SMAP2: variants seen among roughly 807,000 people sequenced by gnomAD.
The protein encoded by SMAP2 is stromal membrane-associated protein 2.
In SMAP2, 25 loss-of-function variants were observed where a neutral mutation model predicts 56.4. The ratio of observed to expected loss-of-function variants is 0.44; its 90% CI spans 0.32 to 0.62. SMAP2 has a LOEUF of 0.62. SMAP2 is among the 20% of genes least tolerant of loss of function. The probability of loss-of-function intolerance (pLI) is 0.04; values close to 1 mark genes in which losing one functional copy is unlikely to be tolerated. For synonymous variants in SMAP2, 157 were observed against 181.7 expected (o/e 0.86, Z 1.09); for missense variants, 388 against 545.6 (o/e 0.71, Z 2.88).
At chr1:40,391,194 GA>G (rs1468278462) in intron 1 of SMAP2, among the ~76,000 whole-genome samples, 1 of 152,320 alleles carries the variant, frequency 6.6e-6, no homozygotes, top group East Asian at 1.9e-4. Context: ...CATTGGTCTA[GA>G]GGAACAAAGA....
chr1:40,383,557 T>C (rs919950326), intron 1 of SMAP2, among the ~76,000 whole-genome samples: 9 of 152,204 alleles, frequency 5.9e-5, no homozygotes, highest in African/African-American at 1.9e-4. Flanking sequence ...AGATATAACA[T>C]TGCGTGCTTC....
At chr1:40,407,482 C>A (rs1181294371) in intron 2 of SMAP2, among the ~76,000 whole-genome samples, 1 of 151,542 alleles carries the variant, frequency 6.6e-6, no homozygotes, top group African/African-American at 2.4e-5. Flanking sequence ...AGAGTGAGAC[C>A]CTGTCTCAAA....
chr1:40,386,258 A>G lies in SMAP2; in HGVS notation c.103+12035A>G, dbSNP rs1644653509. 6.6e-6 allele frequency among the ~76,000 whole-genome samples: 1 copy of G among 152,342 alleles called. No individual in the cohort carries two copies. Among genetic ancestry groups the G allele is most frequent in the East Asian group, 1.9e-4 (1 of 5,192 alleles). ...ATTAAGAGATTCAGGCTCTTCTGCT[A>G]TGTTGAAATCATTTTTACTGAAAGA... is the stretch of plus-strand genomic sequence containing the variant. On this transcript the variant is annotated intron_variant, in intron 1 of 9. Coordinates refer to ENST00000372718, the MANE Select transcript of SMAP2 (RefSeq NM_022733.3). The surrounding 1 kb of genome is among the most constrained non-coding windows in gnomAD (Gnocchi z 4.1).
intron 9 of SMAP2, among the ~76,000 whole-genome samples, chr1:40,420,082 C>T (rs114621374): frequency 0.019 from 2,873 of 152,140 alleles, 26 homozygotes; most frequent in African/African-American, 0.026. Context: ...TTTTCCATTT[C>T]GCCAAGGTTT....
rs1392246180 is a variant in SMAP2, at chr1:40,416,980, G to A, written c.1048G>A (p.Val350Met). ...TGGCATGCAGGCATCAATGATGGGT[G>A]TGCCGAATGGAATGATGACCACCCA... ...MGGMQASMMG[V>M]PNGMMTTQQA... The change falls in exon 9 of 10, where the codon GTG becomes ATG. Residue 350 changes from valine (V) to methionine (M), a missense_variant. Coordinates refer to ENST00000372718, the MANE Select transcript of SMAP2 (RefSeq NM_022733.3). The A allele has an allele frequency of 6.2e-7, 1 of 1,614,226 alleles. No individual in the cohort carries two copies. The highest frequency in any genetic ancestry group is 1.3e-5 in the African/African-American group (1 of 75,070).
rs754300080 is a variant in SMAP2 at position 40,374,134 on chromosome 1, C to T, written c.14C>T (p.Ser5Leu). 5.6e-6 allele frequency: 9 copies of T among 1,613,034 alleles called. No homozygotes were observed. Among genetic ancestry groups the T allele is most frequent in the Non-Finnish European group, 5.9e-6 (7 of 1,179,538 alleles). MTGK[S>L]VKDVDRYQAV... ...GGCACCCTGGCCATGACAGGCAAGT[C>T]GGTGAAGGACGTGGATCGGTACCAG... Residue 5 changes from serine (S) to leucine (L), a missense_variant, in exon 1 of 10, where the codon TCG becomes TTG. Physicochemically the swap from Ser to Leu is moderately radical, Grantham distance 145. Coordinates refer to ENST00000372718, the MANE Select transcript of SMAP2 (RefSeq NM_022733.3). This position sits in a 1 kb window ranked among gnomAD's most constrained non-coding sequence, Gnocchi z 5.9.
chr1:40,347,223 TGTG>T (rs1644390079), intron 1 of SMAP2, among the ~76,000 whole-genome samples: 1 of 137,966 alleles, frequency 7.2e-6, no homozygotes, highest in African/African-American at 3.0e-5. Flanking sequence ...TGTGTGTGTG[TGTG>T]TTTGTGTGTG....
chr1:40,352,609 G>T (rs1403900292), intron 1 of SMAP2, among the ~76,000 whole-genome samples: 1 of 151,860 alleles, frequency 6.6e-6, no homozygotes. Flanking sequence ...CATGATCATA[G>T]CTCACTGCAA....
intron 1 of SMAP2, among the ~76,000 whole-genome samples, chr1:40,387,929 CG>C (rs1174752200): frequency 6.6e-6 from 1 of 151,996 alleles, no homozygotes; most frequent in African/African-American, 2.4e-5. Context: ...ATGGGCTTGG[CG>C]GGCCCCGCAC....
intron 1 of SMAP2, among the ~76,000 whole-genome samples, chr1:40,351,006 C>G (rs1644407132): frequency 6.6e-6 from 1 of 152,186 alleles, no homozygotes. Flanking sequence ...AGGAGCAGAT[C>G]CAAACAATCT....
intron 2 of SMAP2, among the ~76,000 whole-genome samples, chr1:40,368,160 T>C (rs1221634125): frequency 7.1e-6 from 1 of 140,954 alleles, no homozygotes; most frequent in Non-Finnish European, 1.5e-5. Flanking sequence ...CAGGAAGAAG[T>C]TGAATCTCTT....
At position 40,386,051 on chromosome 1, in the gene SMAP2, G is replaced by A. The variant is rs1054441143; in HGVS notation, c.103+11828G>A. On this transcript the variant is annotated intron_variant, in intron 1 of 9. Transcript: ENST00000372718. This position sits in a 1 kb window ranked among gnomAD's most constrained non-coding sequence, Gnocchi z 4.1. The stretch of plus-strand genomic sequence containing the variant: ...TAGTGTAAAGCTTGTAGAGAAGGGG[G>A]CATTGGTGTCTTTTTGTTGTTGTTG... Among the ~76,000 whole-genome samples the A allele has an allele frequency of 1.3e-5, 2 of 152,150 alleles. No individual in the cohort carries two copies. The highest frequency in any genetic ancestry group is 2.1e-4 in the South Asian group (1 of 4,836).
chr1:40,422,161 C>A lies in SMAP2; in HGVS notation c.*60C>A. On this transcript the variant is annotated 3_prime_UTR_variant, in exon 10 of 10. Coordinates refer to ENST00000372718, the MANE Select transcript of SMAP2 (RefSeq NM_022733.3). ...GCCCTCGCTCTCCCCTTTCCACAGC[C>A]TCCACCCCTGACCCCCATCCTCTTT... 1 of 1,599,422 alleles carries A rather than the reference C, an allele frequency of 6.3e-7. No individual in the cohort carries two copies. The highest frequency in any genetic ancestry group is 8.5e-7 in the Non-Finnish European group (1 of 1,173,424).
rs552599516 is a variant in SMAP2 at position 40,416,754 on chromosome 1, A to G, written c.848-26A>G. ...ACTTTATGTTTTTCCCTCTTTAACC[A>G]ACCTGTATGTGTGTTTTCTTGGCAG... is the stretch of plus-strand genomic sequence containing the variant. On this transcript the variant is annotated intron_variant, in intron 8 of 9. Coordinates refer to ENST00000372718, the MANE Select transcript of SMAP2 (RefSeq NM_022733.3). 2.7e-5 allele frequency: 43 copies of G among 1,577,818 alleles called. 1 individual carries two copies. Among genetic ancestry groups the G allele is most frequent in the Admixed American group, 1.6e-4 (9 of 57,728 alleles).
chr1:40,365,201 A>G (rs1345348257), intron 2 of SMAP2: 2 of 153,818 alleles, frequency 1.3e-5, no homozygotes, highest in South Asian at 2.0e-4. Flanking sequence ...TTCTAGGCTC[A>G]TGCCTGTAAC....
intron 4 of SMAP2, among the ~76,000 whole-genome samples, chr1:40,411,777 A>G (rs1347606641): frequency 1.3e-5 from 2 of 152,210 alleles, no homozygotes; most frequent in South Asian, 2.1e-4. Flanking sequence ...CGTGTTAAAG[A>G]CATACACTTT....
chr1:40,366,339 G>A (rs998505972), intron 2 of SMAP2, among the ~76,000 whole-genome samples: 3 of 140,132 alleles, frequency 2.1e-5, no homozygotes, highest in Non-Finnish European at 4.7e-5. Context: ...TCAGATTCAG[G>A]AAATACAGAG....
intron 1 of SMAP2, among the ~76,000 whole-genome samples, chr1:40,361,119 G>C (rs1222122527): frequency 6.6e-6 from 1 of 152,238 alleles, no homozygotes; most frequent in East Asian, 1.9e-4. Flanking sequence ...AGAGAGAAAA[G>C]AGGGCTTTGC....
Position 40,416,160 on chromosome 1 carries a change from C to T in SMAP2, c.682-16C>T, listed in dbSNP as rs199561019. The T allele has an allele frequency of 7.0e-5, 112 of 1,610,698 alleles. No homozygotes were observed. In the East Asian group the frequency reaches 2.3e-3, roughly 32 times the overall value. ...GAGAACCATTTCAATTCTCCCCCCG[C>T]CCTCTTTGCCCTAAGGTTGTAGGTT... On this transcript the variant is annotated splice_polypyrimidine_tract_variant and intron_variant, in intron 7 of 9. Coordinates refer to ENST00000372718, the MANE Select transcript of SMAP2 (RefSeq NM_022733.3).
Sources: gnomAD v4.1 joint callset for allele counts (sites outside exome capture counted in the v4.1 genomes callset) on GRCh38, gnomAD v4.1.1 for gene constraint, Gnocchi (gnomAD v3.1) non-coding constraint, MANE v1.5 for transcripts, NCBI Gene and HGNC (gene_info 2026-07-23, HGNC 2026-07-21) for gene names.